Variants in MARCHF1 observed in about 807,000 individuals in gnomAD.
The protein encoded by MARCHF1 is E3 ubiquitin-protein ligase MARCHF1.
In MARCHF1, 40 loss-of-function variants were observed where a neutral mutation model predicts 54.2. That is an observed-to-expected ratio of 0.74 (90% confidence interval 0.57 to 0.96). The LOEUF (loss-of-function observed/expected upper bound fraction) is 0.96. Among genes scored for constraint, MARCHF1 ranks in the 40% least tolerant of loss-of-function variants. MARCHF1 has a pLI of 0.00. For missense variants in MARCHF1, 586 were observed against 656.5 expected (o/e 0.89, Z 1.17); for synonymous variants, 236 against 236.3 (o/e 1.00, Z 0.01).
intron 5 of MARCHF1, among the ~76,000 whole-genome samples, chr4:163,634,409 A>C (rs1742232979): frequency 6.8e-6 from 1 of 147,556 alleles, no homozygotes; most frequent in South Asian, 2.3e-4. Context: ...AAGATCTACC[A>C]AGCAAATGGA....
intron 3 of MARCHF1, among the ~76,000 whole-genome samples, chr4:163,947,069 G>T (rs1193497109): frequency 6.6e-6 from 1 of 152,000 alleles, no homozygotes; most frequent in East Asian, 1.9e-4. Flanking sequence ...AAAATTATTT[G>T]AATATTTTTG....
chr4:163,723,370 G>A (rs1351341435), intron 4 of MARCHF1, among the ~76,000 whole-genome samples: 1 of 152,224 alleles, frequency 6.6e-6, no homozygotes, highest in Non-Finnish European at 1.5e-5. Flanking sequence ...CTTCTGGCTT[G>A]TAGAGTTTCT....
intron 5 of MARCHF1, among the ~76,000 whole-genome samples, chr4:163,679,587 TA>T (rs1316034585): frequency 6.6e-6 from 1 of 151,942 alleles, no homozygotes; most frequent in Admixed American, 6.6e-5. Flanking sequence ...ACTGCTGTTT[TA>T]AAGAATATCT....
Position 163,527,435 on chromosome 4 carries a change from T to TAACA in MARCHF1, c.*1309_*1312dup, listed in dbSNP as rs1223256556. 3 of 152,088 alleles carry TAACA rather than the reference T, an allele frequency of 2.0e-5. No homozygotes were observed. Among genetic ancestry groups the TAACA allele is most frequent in the Admixed American group, 1.3e-4 (2 of 15,246 alleles). 9.4% of individuals were successfully genotyped at this position (152,088 alleles called of 1,614,324 possible). On this transcript the variant is annotated 3_prime_UTR_variant, in exon 10 of 10. Coordinates refer to ENST00000514618, the MANE Select transcript of MARCHF1 (RefSeq NM_001394959.1). Reference sequence around the variant, plus strand: ...AATAAGCCTTACACATTTGATTTAATAACAAAAATAGGTAATTTTATTCCC... The same window carrying TAACA: ...AATAAGCCTTACACATTTGATTTAATAACAAACAAAAATAGGTAATTTTATTCCC...
intron 1 of MARCHF1, among the ~76,000 whole-genome samples, chr4:164,369,738 TTAAA>T (rs1308492772): frequency 6.6e-6 from 1 of 152,136 alleles, no homozygotes; most frequent in Non-Finnish European, 1.5e-5. Context: ...GATTTGAAGA[TTAAA>T]TAAACTACCC....
intron 1 of MARCHF1, among the ~76,000 whole-genome samples, chr4:164,363,293 A>G (rs944396543): frequency 6.6e-6 from 1 of 152,182 alleles, no homozygotes; most frequent in Non-Finnish European, 1.5e-5. Context: ...GAATATTTCA[A>G]TATTTAACAG....
At chr4:164,009,853 A>G (rs940513018) in intron 2 of MARCHF1, among the ~76,000 whole-genome samples, 38 of 152,090 alleles carry the variant, frequency 2.5e-4, no homozygotes, top group Non-Finnish European at 5.3e-4. Context: ...ATGGAGAAAA[A>G]CTGAAAGACT....
chr4:164,316,308 G>A (rs1000411876), intron 1 of MARCHF1, among the ~76,000 whole-genome samples: 2 of 152,038 alleles, frequency 1.3e-5, no homozygotes, highest in Non-Finnish European at 2.9e-5. Flanking sequence ...AAATAAGCAC[G>A]AATAAGTCAT....
At chr4:163,617,806 T>A (rs1741562580) in intron 5 of MARCHF1, among the ~76,000 whole-genome samples, 1 of 152,172 alleles carries the variant, frequency 6.6e-6, no homozygotes, top group Admixed American at 6.6e-5. Context: ...AAATCACTGA[T>A]GATGTTATTA....
At chr4:163,898,533 A>G (rs948812944) in intron 3 of MARCHF1, among the ~76,000 whole-genome samples, 3 of 152,190 alleles carry the variant, frequency 2.0e-5, no homozygotes, top group African/African-American at 7.2e-5. Flanking sequence ...TCAAAGAACA[A>G]CAGATGTTGG....
chr4:164,066,127 TCAAA>T, intron 2 of MARCHF1, among the ~76,000 whole-genome samples: 1 of 151,900 alleles, frequency 6.6e-6, no homozygotes, highest in East Asian at 1.9e-4. Context: ...ACAGCATGCA[TCAAA>T]CAAAGGTATA....
chr4:164,225,894 T>C (rs1415302309), intron 1 of MARCHF1, among the ~76,000 whole-genome samples: 1 of 152,042 alleles, frequency 6.6e-6, no homozygotes, highest in African/African-American at 2.4e-5. Flanking sequence ...ACAACTATTG[T>C]TTTCTATTTT....
At chr4:164,169,602 A>C (rs1730470927) in intron 1 of MARCHF1, among the ~76,000 whole-genome samples, 1 of 152,108 alleles carries the variant, frequency 6.6e-6, no homozygotes, top group African/African-American at 2.4e-5. Context: ...CAATTCATAA[A>C]CCCCCAAAAG....
intron 3 of MARCHF1, among the ~76,000 whole-genome samples, chr4:163,924,786 C>T (rs1240133687): frequency 1.3e-5 from 2 of 151,780 alleles, no homozygotes; most frequent in African/African-American, 2.4e-5. Context: ...CCAAGCTCTT[C>T]GCCAAATTTG....
At chr4:163,907,513 C>T (rs749358040) in intron 3 of MARCHF1, among the ~76,000 whole-genome samples, 20 of 152,172 alleles carry the variant, frequency 1.3e-4, no homozygotes, top group African/African-American at 2.9e-4. Context: ...AGCCAAGTCA[C>T]GGCAGAATAA....
At chr4:164,366,506 T>C (rs1416752285) in intron 1 of MARCHF1, among the ~76,000 whole-genome samples, 1 of 152,010 alleles carries the variant, frequency 6.6e-6, no homozygotes, top group East Asian at 1.9e-4. Context: ...CAGTTTGTCT[T>C]ATACTGACAG....
intron 3 of MARCHF1, among the ~76,000 whole-genome samples, chr4:163,865,207 G>A (rs530890135): frequency 6.6e-6 from 1 of 151,964 alleles, no homozygotes; most frequent in African/African-American, 2.4e-5. Flanking sequence ...GAAGGGTAAA[G>A]AAAAGGAAGC....
At chr4:163,787,326 T>C (rs1349988855) in intron 4 of MARCHF1, among the ~76,000 whole-genome samples, 2 of 151,316 alleles carry the variant, frequency 1.3e-5, no homozygotes, top group African/African-American at 2.4e-5. Flanking sequence ...GGAAAACACA[T>C]GACATATAAG....
chr4:163,723,220 T>G (rs1745536889), intron 4 of MARCHF1, among the ~76,000 whole-genome samples: 1 of 152,178 alleles, frequency 6.6e-6, no homozygotes, highest in Non-Finnish European at 1.5e-5. Context: ...GCAGGCCTGG[T>G]GGTGACAAAA....
Sources: allele counts gnomAD v4.1 joint callset (sites outside exome capture counted in the v4.1 genomes callset), GRCh38; gene constraint gnomAD v4.1.1; transcripts MANE v1.5; gene names NCBI Gene and HGNC (gene_info 2026-07-23, HGNC 2026-07-21).